The following CCSER1 variants were observed in gnomAD, a reference collection of about 807,000 sequenced individuals.
The protein encoded by CCSER1 is serine-rich coiled-coil domain-containing protein 1.
CCSER1 carries 41 observed loss-of-function variants against 82.0 expected under a neutral mutation model. The ratio of observed to expected loss-of-function variants is 0.50; its 90% CI spans 0.39 to 0.65. The LOEUF is 0.65. Among genes scored for constraint, CCSER1 ranks in the 30% least tolerant of loss-of-function variants. The probability of loss-of-function intolerance (pLI) is 0.00; values close to 1 mark genes in which losing one functional copy is unlikely to be tolerated. For synonymous variants in CCSER1, 414 were observed against 383.9 expected (o/e 1.08, Z -0.92); for missense variants, 1,119 against 1,064.2 (o/e 1.05, Z -0.72).
At chr4:91,243,611 G>A (rs1341290298) in intron 10 of CCSER1, among the ~76,000 whole-genome samples, 1 of 152,154 alleles carries the variant, frequency 6.6e-6, no homozygotes, top group African/African-American at 2.4e-5. Context: ...GTAGAATAGG[G>A]AGGCCCCCAT....
chr4:90,527,759 A>G (rs1416864801), intron 5 of CCSER1, among the ~76,000 whole-genome samples: 1 of 152,136 alleles, frequency 6.6e-6, no homozygotes, highest in African/African-American at 2.4e-5. Flanking sequence ...TATATTTGTT[A>G]CATCTTATAT....
intron 10 of CCSER1, among the ~76,000 whole-genome samples, chr4:91,499,598 C>T (rs188429780): frequency 1.3e-3 from 202 of 152,058 alleles, no homozygotes; most frequent in Middle Eastern, 6.8e-3. Context: ...AATAGGTTTA[C>T]GCTCTAAGAG....
chr4:91,550,486 T>C (rs764562230), intron 10 of CCSER1, among the ~76,000 whole-genome samples: 1 of 152,210 alleles, frequency 6.6e-6, no homozygotes, highest in South Asian at 2.1e-4. Flanking sequence ...ATTTGGAGAA[T>C]GCGATTTGTG....
At chr4:90,411,740 C>G (rs1324772789) in intron 4 of CCSER1, among the ~76,000 whole-genome samples, 3 of 152,180 alleles carry the variant, frequency 2.0e-5, no homozygotes, top group Non-Finnish European at 4.4e-5. Context: ...CTCACCACTC[C>G]TATTCAACAT....
intron 9 of CCSER1, among the ~76,000 whole-genome samples, chr4:91,004,408 T>C (rs1031814906): frequency 2.0e-5 from 3 of 152,364 alleles, no homozygotes; most frequent in South Asian, 2.1e-4. Context: ...AACTAGTGTT[T>C]AGTGTTTAAA....
At chr4:90,735,499 C>T (rs578211395) in intron 7 of CCSER1, among the ~76,000 whole-genome samples, 13 of 152,232 alleles carry the variant, frequency 8.5e-5, no homozygotes, top group Admixed American at 2.6e-4. Context: ...AACTTCATTA[C>T]TTATTATTGG....
chr4:90,422,547 A>G (rs991249482), intron 4 of CCSER1, among the ~76,000 whole-genome samples: 1 of 151,944 alleles, frequency 6.6e-6, no homozygotes, highest in Non-Finnish European at 1.5e-5. Context: ...GTGAGTCATG[A>G]TTGCACCACT....
At chr4:90,131,779 T>C (rs1431537589) in intron 1 of CCSER1, among the ~76,000 whole-genome samples, 4 of 152,224 alleles carry the variant, frequency 2.6e-5, no homozygotes, top group Non-Finnish European at 5.9e-5. Flanking sequence ...ATTTTATGGC[T>C]ATTTTAACTA....
chr4:91,559,294 C>T (rs1302395405), intron 10 of CCSER1, among the ~76,000 whole-genome samples: 3 of 151,518 alleles, frequency 2.0e-5, no homozygotes, highest in East Asian at 1.9e-4. Context: ...ACTTTATTCT[C>T]ATGCTGGTCC....
At position 90,189,680 on chromosome 4, in the gene CCSER1, C is replaced by A. The variant is rs142515614; in HGVS notation, c.-42+61849C>A. Reference sequence around the variant, plus strand: ...TTTTCTACCTTTCTCTGTGTATTTGCCTTATATACAAAAACATATACCTAT... The same window carrying A: ...TTTTCTACCTTTCTCTGTGTATTTGACTTATATACAAAAACATATACCTAT... On this transcript the variant is annotated intron_variant, in intron 1 of 10. Transcript: ENST00000509176. 1.2e-3 allele frequency among the ~76,000 whole-genome samples: 185 copies of A among 151,742 alleles called. 3 individuals carry two copies. The East Asian group carries it at 0.03, about 25-fold the overall frequency.
At chr4:90,534,429 T>A (rs1259258089) in intron 5 of CCSER1, among the ~76,000 whole-genome samples, 3 of 149,778 alleles carry the variant, frequency 2.0e-5, no homozygotes, top group Non-Finnish European at 4.4e-5. Context: ...GAGCCCAGGC[T>A]GTGCCAGCCT....
intron 5 of CCSER1, among the ~76,000 whole-genome samples, chr4:90,551,700 C>CTATATATATATATATA (rs1226739623): frequency 2.6e-5 from 3 of 117,184 alleles, no homozygotes; most frequent in African/African-American, 1.3e-4. Context: ...CTCTCTCTCT[C>CTATATATATATATATA]TCTCTCTATA....
At chr4:90,607,964 G>A (rs2148801891) in intron 5 of CCSER1, among the ~76,000 whole-genome samples, 1 of 152,144 alleles carries the variant, frequency 6.6e-6, no homozygotes, top group Non-Finnish European at 1.5e-5. Context: ...GTAAAAGTGT[G>A]TATTCTATAT....
At chr4:91,307,966 C>T (rs910726208) in intron 10 of CCSER1, among the ~76,000 whole-genome samples, 162 of 66,670 alleles carry the variant, frequency 2.4e-3, no homozygotes, top group Non-Finnish European at 4.6e-3. Flanking sequence ...CTGAGAGCTA[C>T]GAAATGCTTT....
intron 9 of CCSER1, among the ~76,000 whole-genome samples, chr4:91,023,305 A>T (rs1740180388): frequency 6.6e-6 from 1 of 152,096 alleles, no homozygotes; most frequent in African/African-American, 2.4e-5. Context: ...GGAAAAAACT[A>T]CTCTAAAGTT....
chr4:90,193,157 T>C (rs935793318), intron 1 of CCSER1, among the ~76,000 whole-genome samples: 8 of 152,076 alleles, frequency 5.3e-5, no homozygotes, highest in Admixed American at 3.9e-4. Context: ...GTAGTAACCA[T>C]GAATAAATAA....
At chr4:91,594,817 T>A (rs1220595348) in intron 10 of CCSER1, among the ~76,000 whole-genome samples, 1 of 151,924 alleles carries the variant, frequency 6.6e-6, no homozygotes, top group Non-Finnish European at 1.5e-5. Context: ...ACAACTAGAG[T>A]CTTTTGGCTT....
intron 6 of CCSER1, among the ~76,000 whole-genome samples, chr4:90,719,445 TTGAA>T (rs1742291032): frequency 6.6e-6 from 1 of 152,282 alleles, no homozygotes; most frequent in African/African-American, 2.4e-5. Context: ...ATAAATGTAC[TTGAA>T]TCATCCCTAA....
intron 10 of CCSER1, among the ~76,000 whole-genome samples, chr4:91,151,848 AT>A (rs1465351449): frequency 6.6e-6 from 1 of 152,158 alleles, no homozygotes. Context: ...ACAGTTTGTT[AT>A]AATTTCTGTT....
Sources: gnomAD v4.1 joint callset for allele counts (sites outside exome capture counted in the v4.1 genomes callset) on GRCh38, gnomAD v4.1.1 for gene constraint, MANE v1.5 for transcripts, NCBI Gene and HGNC (gene_info 2026-07-23, HGNC 2026-07-21) for gene names.